ANOS1: variants seen among roughly 807,000 people sequenced by gnomAD.
ANOS1 encodes anosmin 1, also known as anosmin-1.
A neutral mutation model predicts 59.0 loss-of-function variants in ANOS1; 6 were observed. The ratio of observed to expected loss-of-function variants is 0.10; its 90% CI spans 0.06 to 0.20. ANOS1 has a LOEUF of 0.20. Ranked by LOEUF, ANOS1 falls within the 10% of genes least tolerant of loss-of-function variation. The pLI, the probability that ANOS1 is intolerant of heterozygous loss-of-function variation, is 1.00. For missense variants in ANOS1, 433 were observed against 542.3 expected, an observed-to-expected ratio of 0.80 and a Z score of 2.00; for synonymous variants, 217 against 223.4, an observed-to-expected ratio of 0.97 and a Z score of 0.25.
intron 8 of ANOS1, 76 bp downstream of exon 8, chrX:8,568,156 C>T: frequency 9.7e-7 from 1 of 1,029,914 alleles, no homozygotes; most frequent in Non-Finnish European, 1.4e-6. Flanking sequence ...AACTCACTCT[C>T]CCTCCATTGT....
At chrX:8,717,601 C>A (rs1338892182) in intron 1 of ANOS1, among the ~76,000 whole-genome samples, 2 of 111,076 alleles carry the variant, frequency 1.8e-5, no homozygotes, top group Non-Finnish European at 3.8e-5. Flanking sequence ...TTTGGCTGTA[C>A]TGCTTTCAAA....
intron 1 of ANOS1, among the ~76,000 whole-genome samples, chrX:8,729,631 T>C (rs758778614): frequency 3.0e-5 from 3 of 98,729 alleles, no homozygotes; most frequent in Non-Finnish European, 6.0e-5. Flanking sequence ...TGACCTCAAA[T>C]GATCTGCCCG....
At chrX:8,611,706 A>G (rs901371297) in intron 3 of ANOS1, among the ~76,000 whole-genome samples, 2 of 108,595 alleles carry the variant, frequency 1.8e-5, no homozygotes, top group Non-Finnish European at 3.8e-5. Context: ...ATGCTATTTA[A>G]AAAAAAAATC....
intron 1 of ANOS1, among the ~76,000 whole-genome samples, chrX:8,722,370 C>T (rs1318089719): frequency 4.5e-5 from 5 of 110,787 alleles, no homozygotes; most frequent in Non-Finnish European, 5.7e-5. Context: ...CCCTTTCCCC[C>T]GGAGTCCCCA....
chrX:8,678,001 C>G (rs921782926), intron 2 of ANOS1, among the ~76,000 whole-genome samples: 1 of 111,758 alleles, frequency 8.9e-6, no homozygotes, highest in Non-Finnish European at 1.9e-5. Flanking sequence ...GCTGTTCCTG[C>G]TGGGCTCGCC....
At chrX:8,570,794 T>C (rs2146807392) in intron 6 of ANOS1, 90 bp from the exon 7 acceptor site, 1 of 863,131 alleles carries the variant, frequency 1.2e-6, no homozygotes, top group South Asian at 2.1e-5. Context: ...ACGTGAAGCA[T>C]TGCTTTTTAT....
At chrX:8,674,063 C>G (rs1208945896) in intron 2 of ANOS1, among the ~76,000 whole-genome samples, 2 of 112,125 alleles carry the variant, frequency 1.8e-5, no homozygotes, top group Non-Finnish European at 3.8e-5. Flanking sequence ...ACTTCCCCAG[C>G]TCCCAAGAAG....
intron 3 of ANOS1, among the ~76,000 whole-genome samples, chrX:8,619,088 A>G (rs1452589672): frequency 1.1e-5 from 1 of 92,187 alleles, no homozygotes. Flanking sequence ...AAAAAAAAAA[A>G]AAAAAAAAAA....
chrX:8,595,819 G>A (rs946490365), intron 4 of ANOS1, among the ~76,000 whole-genome samples: 1 of 111,217 alleles, frequency 9.0e-6, no homozygotes, highest in African/African-American at 3.3e-5. Context: ...TTAGGAACTG[G>A]GTCACACAGC....
chrX:8,599,432 G>C (rs1403356557), intron 3 of ANOS1, among the ~76,000 whole-genome samples: 1 of 111,319 alleles, frequency 9.0e-6, no homozygotes, highest in Non-Finnish European at 1.9e-5. Flanking sequence ...CTCATTACTG[G>C]TAACATCTGG....
chrX:8,654,696 A>C (rs998824544), intron 2 of ANOS1, among the ~76,000 whole-genome samples: 1 of 111,815 alleles, frequency 8.9e-6, no homozygotes. Context: ...ATGATTTCTC[A>C]TCTGTTCACT....
intron 2 of ANOS1, among the ~76,000 whole-genome samples, chrX:8,686,898 G>A (rs1175963303): frequency 8.9e-6 from 1 of 111,892 alleles, no homozygotes; most frequent in Non-Finnish European, 1.9e-5. Flanking sequence ...AGGTTGCAGT[G>A]AGCCAACATC....
rs200778138 is a variant in ANOS1 at position 8,723,495 on chromosome X, AAT to A, written c.207+8333_207+8334del. On this transcript the variant is annotated intron_variant, in intron 1 of 13. Coordinates refer to ENST00000262648, the MANE Select transcript of ANOS1 (RefSeq NM_000216.4). ...CATCACTAGTGATCAGGGAAATGCA[AAT>A]AAATCAGTACTTTTTAAAGAAAGAA... is the stretch of plus-strand genomic sequence containing the variant. Among the ~76,000 whole-genome samples, 71 of 112,532 alleles carry A rather than the reference AAT, an allele frequency of 6.3e-4. No homozygotes were observed. In the East Asian group the frequency reaches 0.018, roughly 28 times the overall value.
intron 2 of ANOS1, among the ~76,000 whole-genome samples, chrX:8,677,074 A>G (rs1490010724): frequency 1.8e-5 from 2 of 111,884 alleles, no homozygotes; most frequent in Non-Finnish European, 3.8e-5. Flanking sequence ...GTGCTGTCCA[A>G]TATTGCAGTT....
At chrX:8,591,795 G>A (rs1180802030) in intron 4 of ANOS1, among the ~76,000 whole-genome samples, 1 of 112,360 alleles carries the variant, frequency 8.9e-6, no homozygotes, top group Non-Finnish European at 1.9e-5. Flanking sequence ...CTCACTGGCT[G>A]AACCAGCATC....
chrX:8,590,500 C>A (rs1220952217), intron 4 of ANOS1, among the ~76,000 whole-genome samples: 1 of 111,514 alleles, frequency 9.0e-6, no homozygotes, highest in East Asian at 2.8e-4. Flanking sequence ...TATTCTTTTG[C>A]CCCCCTTCAA....
intron 3 of ANOS1, among the ~76,000 whole-genome samples, chrX:8,613,011 C>T (rs915621576): frequency 1.8e-4 from 20 of 112,043 alleles, no homozygotes; most frequent in Non-Finnish European, 3.8e-4. Context: ...TTCATTGATT[C>T]ATTTAACCTG....
At chrX:8,728,008 G>A (rs939264602) in intron 1 of ANOS1, among the ~76,000 whole-genome samples, 6 of 112,506 alleles carry the variant, frequency 5.3e-5, no homozygotes, top group African/African-American at 1.6e-4. Flanking sequence ...AAAGGAAAAC[G>A]TTTTATATCT....
chrX:8,707,878 A>G (rs2146903697), intron 1 of ANOS1, among the ~76,000 whole-genome samples: 1 of 112,355 alleles, frequency 8.9e-6, no homozygotes, highest in East Asian at 2.8e-4. Flanking sequence ...TATTCATCCA[A>G]GAAGAACATA....
Sources: allele counts gnomAD v4.1 joint callset (sites outside exome capture counted in the v4.1 genomes callset), GRCh38; gene constraint gnomAD v4.1.1; transcripts MANE v1.5; gene names NCBI Gene and HGNC (gene_info 2026-07-23, HGNC 2026-07-21).